Variants in KATNAL1 observed in about 807,000 individuals in gnomAD.
KATNAL1 encodes katanin catalytic subunit A1 like 1.
Under a neutral mutation model 55.2 loss-of-function variants are expected in KATNAL1, and 32 were observed. The observed-to-expected ratio is 0.58, with a 90% CI of 0.44 to 0.78. KATNAL1 has a LOEUF of 0.78. Among genes scored for constraint, KATNAL1 ranks in the 30% least tolerant of loss-of-function variants. KATNAL1 has a pLI of 0.00. For missense variants in KATNAL1, 466 were observed against 600.9 expected (o/e 0.78, Z 2.35); for synonymous variants, 193 against 193.6 (o/e 1.00, Z 0.02).
rs1316719623 is a variant in KATNAL1, at chr13:30,240,662, T to A, written c.621-97A>T. The stretch of plus-strand genomic sequence containing the variant: ...TAATTTTTTTTTACTTATGAAATTA[T>A]TCTCATAGTAAGAACATTATTCTAA... On this transcript the variant is annotated intron_variant, in intron 5 of 10. Transcript: ENST00000380615. The A allele has an allele frequency of 4.9e-6, 4 of 822,856 alleles. No homozygotes were observed. In the African/African-American group the frequency reaches 6.9e-5, roughly 14 times the overall value. 51.0% of individuals were successfully genotyped at this position (822,856 alleles called of 1,614,324 possible).
intron 1 of KATNAL1, among the ~76,000 whole-genome samples, chr13:30,303,137 A>G (rs1380344901): frequency 6.6e-6 from 1 of 152,222 alleles, no homozygotes; most frequent in Non-Finnish European, 1.5e-5. Context: ...AAAGTTACAA[A>G]AGGACTTAAA....
Position 30,243,846 on chromosome 13 carries a change from C to A in KATNAL1, c.493-2760G>T, listed in dbSNP as rs146555183. 1.6e-4 allele frequency among the ~76,000 whole-genome samples: 24 copies of A among 152,266 alleles called. No homozygotes were observed. In the East Asian group the frequency reaches 2.7e-3, roughly 17 times the overall value. On this transcript the variant is annotated intron_variant, in intron 4 of 10. Transcript: ENST00000380615. ...TGATCTTTTTCCTGTAAAGCCACTG[C>A]CTCTCACTTGCCTAATTTATTCATC...
rs143277319 is a variant in KATNAL1 at position 30,205,750 on chromosome 13, CTGTGTGTGTG to C, written c.*2780_*2789del. The C allele has an allele frequency of 0.075, 10,263 of 137,442 alleles. 387 individuals carry two copies. Among genetic ancestry groups the C allele is most frequent in the Admixed American group, 0.095 (1,331 of 13,968 alleles). 8.5% of individuals were successfully genotyped at this position (137,442 alleles called of 1,614,324 possible). A position where few individuals can be genotyped will look rare whatever the true frequency, so the allele number is the denominator to read the frequency against. On this transcript the variant is annotated 3_prime_UTR_variant, in exon 11 of 11. Coordinates refer to ENST00000380615, the MANE Select transcript of KATNAL1 (RefSeq NM_032116.5). ...AACACACTGTCTTCTGCAATAAAGACTGTGTGTGTGTGTGTGTGTGTGTGTGTGTGTGTGT... is the reference window on the plus strand; with the variant it reads ...AACACACTGTCTTCTGCAATAAAGACTGTGTGTGTGTGTGTGTGTGTGTGT...
intron 1 of KATNAL1, among the ~76,000 whole-genome samples, chr13:30,303,096 A>G (rs1441574245): frequency 6.6e-6 from 1 of 152,258 alleles, no homozygotes; most frequent in Non-Finnish European, 1.5e-5. Flanking sequence ...GCTGCCTAAT[A>G]GGAGCTTTTA....
intron 3 of KATNAL1, among the ~76,000 whole-genome samples, chr13:30,275,543 G>A (rs904937244): frequency 1.2e-4 from 19 of 152,126 alleles, no homozygotes; most frequent in African/African-American, 3.9e-4. Context: ...GAGTAGAGTG[G>A]TTATTACCAG....
chr13:30,214,601 T>C (rs1366643908), intron 9 of KATNAL1, among the ~76,000 whole-genome samples: 5 of 151,722 alleles, frequency 3.3e-5, no homozygotes, highest in South Asian at 2.1e-4. Context: ...CAGAACAGAG[T>C]CCTCAGAAAT....
chr13:30,210,655 A>T, intron 9 of KATNAL1: 1 of 277,280 alleles, frequency 3.6e-6, no homozygotes, highest in Non-Finnish European at 6.5e-6. Flanking sequence ...AAATTGAAAA[A>T]AAAAAAAAAA....
At chr13:30,252,125 T>C (rs976762800) in intron 4 of KATNAL1, among the ~76,000 whole-genome samples, 6 of 152,214 alleles carry the variant, frequency 3.9e-5, no homozygotes, top group Non-Finnish European at 5.9e-5. Flanking sequence ...AAGGTTCAAA[T>C]CCTAGTTCAC....
At chr13:30,248,211 T>C (rs571784081) in intron 4 of KATNAL1, among the ~76,000 whole-genome samples, 3 of 152,344 alleles carry the variant, frequency 2.0e-5, no homozygotes, top group South Asian at 4.1e-4. Flanking sequence ...ACTCTTCCTA[T>C]GACCTAAGAC....
Position 30,241,010 on chromosome 13 carries a change from A to T in KATNAL1, c.569T>A (p.Leu190Gln). The T allele has an allele frequency of 6.2e-7, 1 of 1,613,780 alleles. No homozygotes were observed. The highest frequency in any genetic ancestry group is 1.1e-5 in the South Asian group (1 of 91,072). Residue 190 changes from leucine to glutamine, a missense_variant, in exon 5 of 11, where the codon CTG becomes CAG. Physicochemically the swap from Leu to Gln is moderately radical, Grantham distance 113. Coordinates refer to ENST00000380615, the MANE Select transcript of KATNAL1 (RefSeq NM_032116.5). ...KFDGAGYDKD[L>Q]VEALERDIVS... ...AATGTCTCTTTCAAGGGCTTCCACC[A>T]GATCCTTATCATAACCAGCACCATC... is the stretch of plus-strand genomic sequence containing the variant.
chr13:30,296,159 A>G (rs1194024673), intron 1 of KATNAL1: 1 of 546,720 alleles, frequency 1.8e-6, no homozygotes, highest in African/African-American at 1.9e-5. Flanking sequence ...GGCCTCAGGT[A>G]ATGCGTGCAT....
chr13:30,205,273 G>A lies in KATNAL1; in HGVS notation c.*3267C>T, dbSNP rs754776484. Reference sequence around the variant, plus strand: ...TAGAAGCCAGAAGCTATACAGAGTCGTTAGAGAAACTGCCAAGTTTGAACT... The same window carrying A: ...TAGAAGCCAGAAGCTATACAGAGTCATTAGAGAAACTGCCAAGTTTGAACT... On this transcript the variant is annotated 3_prime_UTR_variant, in exon 11 of 11. Coordinates refer to ENST00000380615, the MANE Select transcript of KATNAL1 (RefSeq NM_032116.5). The A allele has an allele frequency of 1.3e-5, 2 of 152,192 alleles. No individual in the cohort carries two copies. The highest frequency in any genetic ancestry group is 2.4e-5 in the African/African-American group (1 of 41,448). The allele number at this position is 152,192 out of a possible 1,614,324, so 9.4% of individuals were successfully genotyped here.
At position 30,302,227 on chromosome 13, in the gene KATNAL1, T is replaced by G. The variant is rs76248949; in HGVS notation, c.-15+5104A>C. 7.6e-3 allele frequency among the ~76,000 whole-genome samples: 1,153 copies of G among 152,300 alleles called. 13 individuals are homozygous for G. Among genetic ancestry groups the G allele is most frequent in the African/African-American group, 0.026 (1,085 of 41,552 alleles). On this transcript the variant is annotated intron_variant, in intron 1 of 10. Coordinates refer to ENST00000380615, the MANE Select transcript of KATNAL1 (RefSeq NM_032116.5). ...ATAATCATATTTACTTACTCATCCA[T>G]TCATCATTCAATCTAAACTAATTAG... is the stretch of plus-strand genomic sequence containing the variant.
At chr13:30,273,884 T>C (rs1004729644) in intron 3 of KATNAL1, among the ~76,000 whole-genome samples, 1 of 152,126 alleles carries the variant, frequency 6.6e-6, no homozygotes, top group African/African-American at 2.4e-5. Flanking sequence ...TATTATCTGC[T>C]CCAATTTTTC....
At chr13:30,227,879 T>A (rs1875672234) in intron 8 of KATNAL1, among the ~76,000 whole-genome samples, 1 of 152,140 alleles carries the variant, frequency 6.6e-6, no homozygotes. Flanking sequence ...GAGATTAGGC[T>A]CTGTTTTATT....
chr13:30,272,639 G>A (rs1238718934), intron 3 of KATNAL1, among the ~76,000 whole-genome samples: 1 of 151,782 alleles, frequency 6.6e-6, no homozygotes, highest in Non-Finnish European at 1.5e-5. Context: ...TGCCTTTTCT[G>A]TAACATTAAA....
intron 2 of KATNAL1, 115 bp from the exon 3 acceptor site, chr13:30,280,338 T>A: frequency 1.5e-6 from 1 of 681,768 alleles, no homozygotes; most frequent in Non-Finnish European, 2.2e-6. Flanking sequence ...GAAAAATGAA[T>A]CATTAAAACA....
At chr13:30,269,943 A>G in intron 3 of KATNAL1, among the ~76,000 whole-genome samples, 2 of 141,420 alleles carry the variant, frequency 1.4e-5, no homozygotes, top group African/African-American at 5.4e-5. Context: ...CCGGGAGGTG[A>G]GGGGCACCTC....
Position 30,290,544 on chromosome 13 carries a change from C to G in KATNAL1, c.-14-6753G>C, listed in dbSNP as rs574581310. On this transcript the variant is annotated intron_variant, in intron 1 of 10. Coordinates refer to ENST00000380615, the MANE Select transcript of KATNAL1 (RefSeq NM_032116.5). ...AGAAGAGGTAGAAATATTTCCAACT[C>G]TTTTTTTTTCCTTTTTTTGCCATAG... Among the ~76,000 whole-genome samples, 9 of 151,344 alleles carry G rather than the reference C, an allele frequency of 5.9e-5. No individual in the cohort carries two copies. In the East Asian group the frequency reaches 1.7e-3, roughly 29 times the overall value.
Sources: gnomAD v4.1 joint callset for allele counts (sites outside exome capture counted in the v4.1 genomes callset) on GRCh38, gnomAD v4.1.1 for gene constraint, MANE v1.5 for transcripts, NCBI Gene and HGNC (gene_info 2026-07-23, HGNC 2026-07-21) for gene names.